METTL6: variants seen among roughly 807,000 people sequenced by gnomAD.
The protein encoded by METTL6 is tRNA N(3)-cytidine methyltransferase METTL6.
METTL6 carries 22 observed loss-of-function variants against 26.4 expected under a neutral mutation model. The ratio of observed to expected loss-of-function variants is 0.83; its 90% confidence interval spans 0.59 to 1.19. The LOEUF is 1.19. Ranked by LOEUF, METTL6 falls within the 50% of genes most tolerant of loss-of-function variation. The pLI is 0.00. For missense variants in METTL6, 304 were observed against 324.8 expected (o/e 0.94, Z 0.49); for synonymous variants, 109 against 116.2 (o/e 0.94, Z 0.40).
At chr3:15,427,133 G>C (rs2061743947) in intron 1 of METTL6, among the ~76,000 whole-genome samples, 1 of 152,180 alleles carries the variant, frequency 6.6e-6, no homozygotes, top group South Asian at 2.1e-4. Context: ...GCTGTCATAG[G>C]AACCAGAGGG....
At chr3:15,425,843 A>G (rs1351800229) in intron 2 of METTL6, among the ~76,000 whole-genome samples, 1 of 152,260 alleles carries the variant, frequency 6.6e-6, no homozygotes, top group Non-Finnish European at 1.5e-5. Context: ...TGTTAAGACC[A>G]AACAGTATAT....
chr3:15,402,081 T>G (rs1699662510), intron 6 of METTL6, among the ~76,000 whole-genome samples: 1 of 152,214 alleles, frequency 6.6e-6, no homozygotes, highest in Admixed American at 6.5e-5. Flanking sequence ...TGGGTTCATT[T>G]TGCTTGCTGC....
chr3:15,424,987 C>T lies in METTL6; in HGVS notation c.328G>A (p.Asp110Asn). 2.5e-6 allele frequency: 4 copies of T among 1,614,132 alleles called. No individual in the cohort carries two copies. The highest frequency in any genetic ancestry group is 3.4e-6 in the Non-Finnish European group (4 of 1,180,018). ...TATTCAATGGCTCTTGGAGAAAAATCACAGGCATAGGCAAAGATATTCGGA... is the reference window on the plus strand; with the variant it reads ...TATTCAATGGCTCTTGGAGAAAAATTACAGGCATAGGCAAAGATATTCGGA... ...EDPNIFAYAC[D>N]FSPRAIEYVK... The change falls in exon 3 of 6, where the codon GAT becomes AAT. Residue 110 changes from aspartate to asparagine, a missense_variant. Transcript: ENST00000383790.
At chr3:15,405,583 GAGT>G (rs1408706320), downstream of METTL6, among the ~76,000 whole-genome samples, 5 of 152,122 alleles carry the variant, frequency 3.3e-5, no homozygotes, top group Non-Finnish European at 7.3e-5. Context: ...ATTAAGATGG[GAGT>G]AGAAGGCCAA....
At chr3:15,401,023 C>G (rs1295186871) in intron 6 of METTL6, among the ~76,000 whole-genome samples, 3 of 151,866 alleles carry the variant, frequency 2.0e-5, no homozygotes, top group Non-Finnish European at 4.4e-5. Context: ...CCACCACACC[C>G]AGATCAGTTT....
chr3:15,414,356 T>TA, intron 4 of METTL6, 194 bp from the exon 5 acceptor site: 1 of 1,288,096 alleles, frequency 7.8e-7, no homozygotes, highest in Non-Finnish European at 9.8e-7. Flanking sequence ...CTAAGACACT[T>TA]CTTTTTTTTT....
chr3:15,391,327 A>G (rs2124902684), intron 6 of METTL6, among the ~76,000 whole-genome samples: 1 of 152,314 alleles, frequency 6.6e-6, no homozygotes, highest in East Asian at 1.9e-4. Context: ...GGGTTTACCC[A>G]GGAGCCCAGC....
intron 6 of METTL6, among the ~76,000 whole-genome samples, chr3:15,396,169 T>C (rs1228101392): frequency 1.3e-5 from 2 of 152,214 alleles, no homozygotes; most frequent in Non-Finnish European, 2.9e-5. Context: ...CAGAGTCCCA[T>C]ATTTCTTAGA....
At chr3:15,409,550 T>C (rs1015199762), downstream of METTL6, among the ~76,000 whole-genome samples, 5 of 152,036 alleles carry the variant, frequency 3.3e-5, no homozygotes, top group African/African-American at 9.7e-5. Flanking sequence ...CAATAGGGAG[T>C]TGGAATGTCC....
exon 7 of METTL6, chr3:15,381,864 G>T (rs139462497): frequency 1.3e-5 from 2 of 151,910 alleles, no homozygotes; most frequent in East Asian, 3.9e-4. Flanking sequence ...TTATCTCTTA[G>T]GAAACAATCC....
intron 6 of METTL6, among the ~76,000 whole-genome samples, chr3:15,402,782 T>C (rs1699684713): frequency 6.7e-6 from 1 of 148,448 alleles, no homozygotes; most frequent in Non-Finnish European, 1.5e-5. Flanking sequence ...TGCAAAAACC[T>C]GAAAAGACAC....
At chr3:15,393,122 C>T (rs1487519022) in intron 6 of METTL6, among the ~76,000 whole-genome samples, 1 of 152,162 alleles carries the variant, frequency 6.6e-6, no homozygotes, top group Non-Finnish European at 1.5e-5. Flanking sequence ...ATTCTTCCTA[C>T]CCATGAACAT....
chr3:15,411,998 C>T (rs1032235783), intron 5 of METTL6, among the ~76,000 whole-genome samples: 2 of 152,142 alleles, frequency 1.3e-5, no homozygotes, highest in Admixed American at 6.6e-5. Flanking sequence ...CCCCTGACCT[C>T]AAATGATCCC....
chr3:15,405,357 A>G (rs1032632217), downstream of METTL6, among the ~76,000 whole-genome samples: 3 of 152,318 alleles, frequency 2.0e-5, no homozygotes, highest in East Asian at 5.8e-4. Flanking sequence ...TTGCTTTCTA[A>G]TCTCCAGTGA....
At chr3:15,390,182 C>T (rs576861357) in intron 6 of METTL6, among the ~76,000 whole-genome samples, 45 of 152,218 alleles carry the variant, frequency 3.0e-4, no homozygotes, top group Admixed American at 7.2e-4. Flanking sequence ...AATCCCAGCA[C>T]TTCAGGAGGC....
intron 3 of METTL6, among the ~76,000 whole-genome samples, chr3:15,419,538 G>C (rs1433991424): frequency 6.6e-6 from 1 of 152,030 alleles, no homozygotes; most frequent in Non-Finnish European, 1.5e-5. Flanking sequence ...AAAATATGGA[G>C]GCATTATTTT....
In METTL6 at chr3:15,422,919, C is replaced by T. The variant is rs993367694; in HGVS notation, c.360+2036G>A. The stretch of plus-strand genomic sequence containing the variant: ...AAGCATTTTTGCCAAAAATATTTTA[C>T]CTGATTTAAATTTAACTTCTAGTTC... On this transcript the variant is annotated intron_variant, in intron 3 of 5. Coordinates refer to ENST00000383790, the MANE Select transcript of METTL6 (RefSeq NM_152396.4). Among the ~76,000 whole-genome samples the T allele has an allele frequency of 2.0e-5, 3 of 152,124 alleles. No individual in the cohort carries two copies. In the East Asian group the frequency reaches 5.8e-4, roughly 29 times the overall value.
intron 5 of METTL6, among the ~76,000 whole-genome samples, chr3:15,412,866 G>T (rs150117557): frequency 2.3e-3 from 344 of 152,236 alleles, no homozygotes; most frequent in African/African-American, 7.8e-3. Flanking sequence ...TTATCTTCCT[G>T]TCTAGATGAT....
At chr3:15,396,228 A>C (rs1216987623) in intron 6 of METTL6, among the ~76,000 whole-genome samples, 1 of 151,674 alleles carries the variant, frequency 6.6e-6, no homozygotes, top group Admixed American at 6.6e-5. Flanking sequence ...TTCTCATTTC[A>C]TTTCATTCAT....
Sources: allele counts gnomAD v4.1 joint callset (sites outside exome capture counted in the v4.1 genomes callset), GRCh38; gene constraint gnomAD v4.1.1; transcripts MANE v1.5; gene names NCBI Gene and HGNC (gene_info 2026-07-23, HGNC 2026-07-21).